Variants in NRXN1 observed in about 807,000 individuals in gnomAD.
NRXN1 encodes the protein neurexin 1.
A neutral mutation model predicts 150.9 loss-of-function variants in NRXN1; 39 were observed. The ratio of observed to expected loss-of-function variants is 0.26; its 90% confidence interval spans 0.20 to 0.34. The LOEUF (loss-of-function observed/expected upper bound fraction) is 0.34, where lower values mean the gene tolerates loss of function less well. Ranked by LOEUF, NRXN1 falls within the 10% of genes least tolerant of loss-of-function variation. The pLI is 1.00. For synonymous variants in NRXN1, 924 were observed against 757.0 expected, an observed-to-expected ratio of 1.22 and a Z score of -3.62; for missense variants, 1,815 against 1,949.9, an observed-to-expected ratio of 0.93 and a Z score of 1.30.
chr2:50,035,329 C>T (rs1254760245), intron 21 of NRXN1, among the ~76,000 whole-genome samples: 1 of 152,094 alleles, frequency 6.6e-6, no homozygotes, highest in Admixed American at 6.6e-5. Flanking sequence ...CCTTCCCTTA[C>T]AGAGTCTCAT....
chr2:50,267,019 G>C (rs1045749068), intron 17 of NRXN1, among the ~76,000 whole-genome samples: 5 of 152,154 alleles, frequency 3.3e-5, no homozygotes, highest in African/African-American at 1.2e-4. Flanking sequence ...TTATGATCAT[G>C]CCTCAGAAAA....
In NRXN1 at chr2:50,698,974, G is replaced by T. The variant is rs57566235; in HGVS notation, c.833-75359C>A. Among the ~76,000 whole-genome samples, 537 of 152,180 alleles carry T rather than the reference G, an allele frequency of 3.5e-3. 6 individuals are homozygous for T. Among genetic ancestry groups the T allele is most frequent in the African/African-American group, 0.012 (493 of 41,510 alleles). ...TCTATATATACCTTTAGAGCATTAA[G>T]AACCTATACTACCAATTGACAATAG... On this transcript the variant is annotated intron_variant, in intron 5 of 22. Coordinates refer to ENST00000401669, the MANE Select transcript of NRXN1 (RefSeq NM_001330078.2).
At chr2:50,282,833 C>T (rs1915234) in intron 17 of NRXN1, among the ~76,000 whole-genome samples, 127,784 of 152,090 alleles carry the variant, frequency 0.84, 53,895 homozygotes, top group African/African-American at 0.9. Flanking sequence ...AACAGATATC[C>T]ATGTGCTTTG....
chr2:50,878,549 TATAAAC>T (rs961258591), intron 5 of NRXN1, among the ~76,000 whole-genome samples: 3 of 151,966 alleles, frequency 2.0e-5, no homozygotes, highest in Admixed American at 1.3e-4. Context: ...ACTGGCTTTT[TATAAAC>T]TCTGTAATTC....
chr2:50,659,884 T>C (rs1200546757), intron 5 of NRXN1, among the ~76,000 whole-genome samples: 5 of 152,038 alleles, frequency 3.3e-5, no homozygotes, highest in Non-Finnish European at 7.4e-5. Flanking sequence ...AGTTTCTATT[T>C]TAATATGATT....
intron 5 of NRXN1, among the ~76,000 whole-genome samples, chr2:50,693,969 T>A (rs1220582297): frequency 6.6e-6 from 1 of 152,094 alleles, no homozygotes; most frequent in African/African-American, 2.4e-5. Flanking sequence ...TTGTTTTTAT[T>A]TTTTGTAGAA....
At chr2:50,468,968 T>G (rs544254098) in intron 16 of NRXN1, among the ~76,000 whole-genome samples, 1 of 151,712 alleles carries the variant, frequency 6.6e-6, no homozygotes, top group Admixed American at 6.6e-5. Context: ...CTATTAAAAT[T>G]TCACTCTGAT....
chr2:50,726,646 G>A (rs1440594182), intron 5 of NRXN1, among the ~76,000 whole-genome samples: 4 of 152,028 alleles, frequency 2.6e-5, no homozygotes, highest in Non-Finnish European at 5.9e-5. Flanking sequence ...TTTGCCCAAC[G>A]TTACAAAAAA....
intron 5 of NRXN1, among the ~76,000 whole-genome samples, chr2:50,687,958 T>C (rs1458190125): frequency 1.3e-5 from 2 of 152,172 alleles, no homozygotes; most frequent in African/African-American, 4.8e-5. Flanking sequence ...CTCTTCTTCA[T>C]ATCGAGATGG....
intron 17 of NRXN1, among the ~76,000 whole-genome samples, chr2:50,405,671 C>T (rs1440607211): frequency 1.3e-5 from 2 of 152,044 alleles, no homozygotes; most frequent in East Asian, 1.9e-4. Context: ...CAACATGGTA[C>T]AGTGGGAAGC....
chr2:50,926,828 CTATG>C (rs1686967275), intron 2 of NRXN1, among the ~76,000 whole-genome samples: 1 of 151,500 alleles, frequency 6.6e-6, no homozygotes. Context: ...ATGTGTGTAC[CTATG>C]TATATATGTA....
chr2:50,192,508 T>C (rs1033595352), intron 18 of NRXN1, among the ~76,000 whole-genome samples: 2 of 151,856 alleles, frequency 1.3e-5, no homozygotes, highest in Non-Finnish European at 1.5e-5. Flanking sequence ...GTAATTTGCA[T>C]AGCAGGTTAC....
intron 17 of NRXN1, among the ~76,000 whole-genome samples, chr2:50,439,979 T>C (rs1332780985): frequency 6.6e-6 from 1 of 152,190 alleles, no homozygotes; most frequent in African/African-American, 2.4e-5. Flanking sequence ...GCTAGTAAAT[T>C]AGCAGAGCAT....
At chr2:50,527,580 A>T (rs182503043) in intron 12 of NRXN1, among the ~76,000 whole-genome samples, 19 of 152,290 alleles carry the variant, frequency 1.2e-4, no homozygotes, top group Admixed American at 9.8e-4. Context: ...AGAATATTAA[A>T]TATATGTGGA....
intron 5 of NRXN1, among the ~76,000 whole-genome samples, chr2:50,759,001 G>T (rs895879360): frequency 1.3e-5 from 2 of 151,924 alleles, no homozygotes; most frequent in African/African-American, 4.8e-5. Flanking sequence ...TTGTATTAGA[G>T]TTGTTTATTA....
intron 17 of NRXN1, among the ~76,000 whole-genome samples, chr2:50,362,320 G>C (rs558915838): frequency 5.6e-4 from 85 of 152,296 alleles, no homozygotes; most frequent in Non-Finnish European, 9.8e-4. Flanking sequence ...GCTGTTTGCA[G>C]ATGACATGAT....
chr2:50,373,626 A>AAAGAAAGAAAG (rs2080210958), intron 17 of NRXN1, among the ~76,000 whole-genome samples: 3 of 98,538 alleles, frequency 3.0e-5, no homozygotes, highest in African/African-American at 1.3e-4. Flanking sequence ...AGAGAGAAAG[A>AAAGAAAGAAAG]AAAGAAAGAA....
chr2:50,690,087 A>G (rs1463952670), intron 5 of NRXN1, among the ~76,000 whole-genome samples: 1 of 152,042 alleles, frequency 6.6e-6, no homozygotes, highest in South Asian at 2.1e-4. Context: ...AAGTTTCATC[A>G]TGTTAGCAAG....
At chr2:50,817,534 A>C (rs2105803259) in intron 5 of NRXN1, among the ~76,000 whole-genome samples, 1 of 152,226 alleles carries the variant, frequency 6.6e-6, no homozygotes, top group African/African-American at 2.4e-5. Flanking sequence ...GGGATACCAA[A>C]GCTAGACAAG....
Sources: gnomAD v4.1 joint callset for allele counts (sites outside exome capture counted in the v4.1 genomes callset) on GRCh38, gnomAD v4.1.1 for gene constraint, MANE v1.5 for transcripts, NCBI Gene and HGNC (gene_info 2026-07-23, HGNC 2026-07-21) for gene names.